Variants in VPS8 observed in about 807,000 individuals in gnomAD.
VPS8 encodes the protein vacuolar protein sorting-associated protein 8 homolog.
VPS8 carries 129 observed loss-of-function variants against 216.4 expected under a neutral mutation model. That is an observed-to-expected ratio of 0.60 (90% CI 0.52 to 0.69). The LOEUF is 0.69. Among genes scored for constraint, VPS8 ranks in the 30% least tolerant of loss-of-function variants. The probability of loss-of-function intolerance (pLI) is 0.00; values close to 1 mark genes in which losing one functional copy is unlikely to be tolerated. For synonymous variants in VPS8, 571 were observed against 565.4 expected (o/e 1.01, Z -0.14); for missense variants, 1,531 against 1,683.5 (o/e 0.91, Z 1.59).
chr3:184,943,986 C>T (rs1044874940), intron 36 of VPS8, among the ~76,000 whole-genome samples: 2 of 152,292 alleles, frequency 1.3e-5, no homozygotes, highest in Admixed American at 1.3e-4. Context: ...CCTGTAATCT[C>T]AACTACTCAG....
chr3:184,822,839 A>G (rs1213884369), intron 1 of VPS8, among the ~76,000 whole-genome samples: 2 of 152,258 alleles, frequency 1.3e-5, no homozygotes, highest in African/African-American at 2.4e-5. Context: ...TTGGAAAGAT[A>G]CTTTAAAATG....
At chr3:184,854,532 C>T (rs1724885785) in intron 13 of VPS8, among the ~76,000 whole-genome samples, 1 of 152,210 alleles carries the variant, frequency 6.6e-6, no homozygotes, top group South Asian at 2.1e-4. Context: ...CATTTCCTAG[C>T]TTCATTCGTT....
At chr3:184,883,444 C>T (rs558269457) in intron 21 of VPS8, among the ~76,000 whole-genome samples, 7 of 152,312 alleles carry the variant, frequency 4.6e-5, no homozygotes, top group Admixed American at 4.6e-4. Context: ...CCTCTTCCCA[C>T]ATTTCTTATG....
chr3:184,949,244 C>T (rs1744229931), intron 36 of VPS8, among the ~76,000 whole-genome samples: 1 of 152,008 alleles, frequency 6.6e-6, no homozygotes, highest in Admixed American at 6.6e-5. Flanking sequence ...CTGCAGTGAG[C>T]CATGATCATG....
intron 45 of VPS8, among the ~76,000 whole-genome samples, chr3:185,016,712 G>A (rs920573972): frequency 3.9e-5 from 6 of 152,170 alleles, no homozygotes; most frequent in Admixed American, 3.9e-4. Context: ...TCTTAAATCA[G>A]TTAACATTCT....
At position 184,973,334 on chromosome 3, in the gene VPS8, C is replaced by A. The variant is rs375766816; in HGVS notation, c.3420+1582C>A. On this transcript the variant is annotated intron_variant, in intron 40 of 47. Coordinates refer to ENST00000625842, the MANE Select transcript of VPS8 (RefSeq NM_001009921.3). ...TTTAGTAAAATTGCATTAAATAATG[C>A]TTGCTTTTAAAAATATAGTACTCAA... 7.9e-5 allele frequency among the ~76,000 whole-genome samples: 12 copies of A among 152,076 alleles called. No individual in the cohort carries two copies. The East Asian group carries it at 9.6e-4, about 12-fold the overall frequency.
intron 22 of VPS8, among the ~76,000 whole-genome samples, chr3:184,892,081 C>G (rs1376711844): frequency 6.6e-6 from 1 of 152,088 alleles, no homozygotes; most frequent in Non-Finnish European, 1.5e-5. Context: ...TTTTCTGTTA[C>G]ACTGGCCATA....
chr3:184,924,503 C>T (rs1013973653), intron 29 of VPS8, among the ~76,000 whole-genome samples: 2 of 150,496 alleles, frequency 1.3e-5, no homozygotes, highest in African/African-American at 2.5e-5. Context: ...GGCAACAGAA[C>T]GAGACTCCAT....
intron 45 of VPS8, among the ~76,000 whole-genome samples, chr3:185,008,504 C>G (rs558974034): frequency 6.6e-6 from 1 of 151,920 alleles, no homozygotes; most frequent in African/African-American, 2.4e-5. Context: ...CAAATTGTGA[C>G]AGGTACATAA....
At chr3:185,010,900 G>A (rs1174352085) in intron 45 of VPS8, among the ~76,000 whole-genome samples, 3 of 152,106 alleles carry the variant, frequency 2.0e-5, no homozygotes, top group African/African-American at 4.8e-5. Context: ...CTGAGGAGCT[G>A]AGGCAAGAAG....
chr3:185,010,042 C>T (rs905331454), intron 45 of VPS8, among the ~76,000 whole-genome samples: 8 of 149,176 alleles, frequency 5.4e-5, no homozygotes, highest in Non-Finnish European at 7.4e-5. Flanking sequence ...AACAATGTCC[C>T]AGACTCACAA....
chr3:185,023,997 C>T (rs1396374922), intron 45 of VPS8, among the ~76,000 whole-genome samples: 1 of 152,188 alleles, frequency 6.6e-6, no homozygotes, highest in Admixed American at 6.5e-5. Flanking sequence ...TTTTGAGTTG[C>T]CTTCTGCAAG....
intron 45 of VPS8, among the ~76,000 whole-genome samples, chr3:185,011,427 A>G (rs1755004770): frequency 1.3e-5 from 2 of 152,234 alleles, no homozygotes; most frequent in Non-Finnish European, 2.9e-5. Context: ...AGGTCAAAGT[A>G]CAAGACTACC....
intron 40 of VPS8, among the ~76,000 whole-genome samples, chr3:184,973,773 A>G (rs1748817263): frequency 6.6e-6 from 1 of 151,950 alleles, no homozygotes; most frequent in South Asian, 2.1e-4. Flanking sequence ...TTAGCTCCCC[A>G]CATGTAATTC....
At chr3:184,960,085 G>A (rs184476018) in intron 37 of VPS8, among the ~76,000 whole-genome samples, 331 of 152,016 alleles carry the variant, frequency 2.2e-3, no homozygotes, top group Middle Eastern at 0.01. Flanking sequence ...AAGAACATGC[G>A]GTGTTTGGTT....
intron 42 of VPS8, among the ~76,000 whole-genome samples, chr3:184,992,389 ATTAC>A (rs1433809013): frequency 1.3e-5 from 2 of 152,272 alleles, no homozygotes; most frequent in East Asian, 3.9e-4. Context: ...AAAGTAATTT[ATTAC>A]TTAATTTATT....
intron 46 of VPS8, among the ~76,000 whole-genome samples, chr3:185,039,482 C>T (rs1759347783): frequency 1.3e-5 from 2 of 151,258 alleles, no homozygotes; most frequent in African/African-American, 4.9e-5. Context: ...GAAAAAGGGG[C>T]ATTGCTAGCC....
chr3:185,041,578 T>C (rs1447699221), intron 46 of VPS8, among the ~76,000 whole-genome samples: 3 of 152,152 alleles, frequency 2.0e-5, no homozygotes. Context: ...TGATGAAGCT[T>C]TTAGGCACTT....
chr3:185,007,414 A>G (rs376083899), intron 45 of VPS8, among the ~76,000 whole-genome samples: 1 of 152,220 alleles, frequency 6.6e-6, no homozygotes, highest in South Asian at 2.1e-4. Context: ...GTAGCAAATA[A>G]CAATCTTCTT....
Sources: allele counts gnomAD v4.1 joint callset (sites outside exome capture counted in the v4.1 genomes callset), GRCh38; gene constraint gnomAD v4.1.1; transcripts MANE v1.5; gene names NCBI Gene and HGNC (gene_info 2026-07-23, HGNC 2026-07-21).